The following PARM1 variants were observed in gnomAD, a reference collection of about 807,000 sequenced individuals.
The protein encoded by PARM1 is prostate androgen-regulated mucin-like protein 1, also known as WSC4, cell wall integrity and stress response component 4 homolog.
PARM1 carries 14 observed loss-of-function variants against 24.6 expected under a neutral mutation model. The observed-to-expected ratio is 0.57, with a 90% CI of 0.38 to 0.89. PARM1 has a LOEUF of 0.89. Ranked by LOEUF, PARM1 falls within the 40% of genes least tolerant of loss-of-function variation. The pLI is 0.00. For missense variants in PARM1, 362 were observed against 380.4 expected (o/e 0.95, Z 0.40); for synonymous variants, 179 against 156.6 (o/e 1.14, Z -1.07).
intron 1 of PARM1, among the ~76,000 whole-genome samples, chr4:74,997,541 T>A (rs956740172): frequency 1.3e-5 from 2 of 152,108 alleles, no homozygotes; most frequent in Non-Finnish European, 2.9e-5. Flanking sequence ...GAATTAGAAC[T>A]TGGATAAGGT....
chr4:75,043,306 A>G (rs1723537109), intron 3 of PARM1, among the ~76,000 whole-genome samples: 1 of 152,222 alleles, frequency 6.6e-6, no homozygotes, highest in South Asian at 2.1e-4. Context: ...GATTTATTAT[A>G]TTAAAAATTT....
Position 74,933,324 on chromosome 4 carries a change from T to A in PARM1, c.-4T>A. Reference sequence around the variant, plus strand: ...CCGGGCTGGGCACCAAATACCAGGCTACCATGGTCTACAAGACTCTCTTCG... The same window carrying A: ...CCGGGCTGGGCACCAAATACCAGGCAACCATGGTCTACAAGACTCTCTTCG... On this transcript the variant is annotated 5_prime_UTR_variant, in exon 1 of 4. Coordinates refer to ENST00000307428, the MANE Select transcript of PARM1 (RefSeq NM_015393.4). 6.2e-7 allele frequency: 1 copy of A among 1,610,692 alleles called. No individual in the cohort carries two copies. Among genetic ancestry groups the A allele is most frequent in the Non-Finnish European group, 8.5e-7 (1 of 1,178,578 alleles).
intron 1 of PARM1, among the ~76,000 whole-genome samples, chr4:75,005,284 C>A (rs555831408): frequency 6.6e-6 from 1 of 152,168 alleles, no homozygotes; most frequent in Non-Finnish European, 1.5e-5. Flanking sequence ...CAAGTTTCAC[C>A]AAGTTTGCCA....
chr4:75,019,707 T>C (rs943004168), intron 2 of PARM1, among the ~76,000 whole-genome samples: 11 of 152,122 alleles, frequency 7.2e-5, no homozygotes, highest in Non-Finnish European at 1.3e-4. Context: ...TTTAAAAGTA[T>C]ACCTAGAAAA....
intron 1 of PARM1, among the ~76,000 whole-genome samples, chr4:74,996,165 G>T (rs1722573030): frequency 6.6e-6 from 1 of 152,030 alleles, no homozygotes; most frequent in Non-Finnish European, 1.5e-5. Flanking sequence ...ATCTGTTGTA[G>T]GCCTGCCCCC....
At chr4:75,010,363 G>T (rs1722847742) in intron 1 of PARM1, among the ~76,000 whole-genome samples, 1 of 152,146 alleles carries the variant, frequency 6.6e-6, no homozygotes, top group Admixed American at 6.5e-5. Context: ...ATTCCCATGG[G>T]GAAAAGGGAG....
At position 75,012,542 on chromosome 4, in the gene PARM1, C is replaced by A; in HGVS notation, c.161C>A (p.Ala54Asp). 6.2e-7 allele frequency: 1 copy of A among 1,613,946 alleles called. No homozygotes were observed. Among genetic ancestry groups the A allele is most frequent in the Non-Finnish European group, 8.5e-7 (1 of 1,179,888 alleles). ...CCACAAAACACTGATGCAGACACTGCCTCCCCATCCAACGGCACTCACAAC... is the reference window on the plus strand; with the variant it reads ...CCACAAAACACTGATGCAGACACTGACTCCCCATCCAACGGCACTCACAAC... ...SSPQNTDADT[A>D]SPSNGTHNNS... is the part of the protein sequence containing the mutation. The change falls in exon 2 of 4, where the codon GCC (alanine) becomes GAC (aspartate). Residue 54 changes from alanine to aspartate, a missense_variant. Transcript: ENST00000307428.
At chr4:75,036,026 A>G (rs1189881271) in intron 3 of PARM1, among the ~76,000 whole-genome samples, 1 of 152,164 alleles carries the variant, frequency 6.6e-6, no homozygotes, top group Non-Finnish European at 1.5e-5. Flanking sequence ...CTACTCTGGG[A>G]ACCTCGTTTC....
rs752044130 is a variant in PARM1 at position 75,012,861 on chromosome 4, C to A, written c.480C>A (p.Ser160=). Residue 160 remains serine, a synonymous_variant, in exon 2 of 4, where the codon TCC becomes TCA. Coordinates refer to ENST00000307428, the MANE Select transcript of PARM1 (RefSeq NM_015393.4). Reference sequence around the variant, plus strand: ...AAGCTCCAGCCTCATCACCCTCATCCCTATCAACCTCACCACCTGAGGTCT... The same window carrying A: ...AAGCTCCAGCCTCATCACCCTCATCACTATCAACCTCACCACCTGAGGTCT... ...SPQAPASSPS[S]LSTSPPEVFS... is the part of the protein sequence containing the mutation. 40 of 1,613,846 alleles carry A rather than the reference C, an allele frequency of 2.5e-5. No homozygotes were observed. In the South Asian group the frequency reaches 4.1e-4, roughly 16 times the overall value.
chr4:74,992,010 G>T (rs976724684), intron 1 of PARM1, among the ~76,000 whole-genome samples: 1 of 152,132 alleles, frequency 6.6e-6, no homozygotes, highest in African/African-American at 2.4e-5. Context: ...GAAAACACTT[G>T]CATTTACCAG....
At chr4:74,961,826 T>C (rs774844871) in intron 1 of PARM1, among the ~76,000 whole-genome samples, 10 of 152,176 alleles carry the variant, frequency 6.6e-5, no homozygotes, top group Non-Finnish European at 1.3e-4. Context: ...AAAGAAGTCC[T>C]TTTGGTTGAA....
intron 2 of PARM1, among the ~76,000 whole-genome samples, chr4:75,029,082 C>T (rs549512318): frequency 1.3e-5 from 2 of 152,174 alleles, no homozygotes; most frequent in East Asian, 1.9e-4. Flanking sequence ...GAAAAGGGGC[C>T]CATCTGTGTG....
chr4:75,028,636 T>A (rs961290978), intron 2 of PARM1, among the ~76,000 whole-genome samples: 1 of 152,254 alleles, frequency 6.6e-6, no homozygotes, highest in Non-Finnish European at 1.5e-5. Context: ...ATAAGCTGAC[T>A]GGTGAATTTT....
At chr4:74,933,459 C>T in intron 1 of PARM1, 89 bp downstream of exon 1, 1 of 1,125,638 alleles carries the variant, frequency 8.9e-7, no homozygotes, top group Non-Finnish European at 1.3e-6. Context: ...GGAGATCCGG[C>T]AGTGAGTCGC....
chr4:74,989,522 C>T (rs1722422144), intron 1 of PARM1, among the ~76,000 whole-genome samples: 1 of 152,186 alleles, frequency 6.6e-6, no homozygotes, highest in Admixed American at 6.5e-5. Context: ...CTGGCAGCCA[C>T]CCTCCAGGGA....
At chr4:75,032,869 G>T (rs1560798513) in intron 2 of PARM1, among the ~76,000 whole-genome samples, 1 of 152,150 alleles carries the variant, frequency 6.6e-6, no homozygotes, top group African/African-American at 2.4e-5. Flanking sequence ...GCCTAAAAGA[G>T]TAAATGGAGT....
chr4:75,032,657 T>C (rs1358346917), intron 2 of PARM1, among the ~76,000 whole-genome samples: 1 of 152,172 alleles, frequency 6.6e-6, no homozygotes, highest in African/African-American at 2.4e-5. Context: ...GCAAGATGGA[T>C]AGAACACTCT....
intron 1 of PARM1, among the ~76,000 whole-genome samples, chr4:74,977,626 ATACTC>A (rs1412059272): frequency 6.6e-6 from 1 of 152,214 alleles, no homozygotes; most frequent in African/African-American, 2.4e-5. Context: ...CCCCAGTAAA[ATACTC>A]TATGAGAAAA....
intron 3 of PARM1, among the ~76,000 whole-genome samples, chr4:75,035,387 A>G (rs1249805759): frequency 1.3e-5 from 2 of 152,106 alleles, no homozygotes; most frequent in Non-Finnish European, 2.9e-5. Context: ...TGAGCAGTGA[A>G]CCATAAGGAC....
Sources: gnomAD v4.1 joint callset for allele counts (sites outside exome capture counted in the v4.1 genomes callset) on GRCh38, gnomAD v4.1.1 for gene constraint, MANE v1.5 for transcripts, NCBI Gene and HGNC (gene_info 2026-07-23, HGNC 2026-07-21) for gene names.